Variants in PRSS38 observed in about 807,000 individuals in gnomAD.
The protein encoded by PRSS38 is serine protease 38.
PRSS38 carries 22 observed loss-of-function variants against 26.8 expected under a neutral mutation model. The ratio of observed to expected loss-of-function variants is 0.82; its 90% CI spans 0.59 to 1.17. The LOEUF (loss-of-function observed/expected upper bound fraction) is 1.17. Among genes scored for constraint, PRSS38 ranks in the 50% most tolerant of loss-of-function variants. The probability of loss-of-function intolerance (pLI) is 0.00; values close to 1 mark genes in which losing one functional copy is unlikely to be tolerated. For synonymous variants in PRSS38, 175 were observed against 172.1 expected (o/e 1.02, Z -0.13); for missense variants, 427 against 422.7 (o/e 1.01, Z -0.09).
chr1:227,817,305 C>T (rs267598398), exon 3 of PRSS38: 1 of 1,614,176 alleles, frequency 6.2e-7, no homozygotes, highest in Non-Finnish European at 8.5e-7. Context: ...ACAGGGTGAT[C>T]CTGCACCCCA....
chr1:227,836,195 C>A (rs910535393), intron 3 of PRSS38, among the ~76,000 whole-genome samples: 2 of 152,002 alleles, frequency 1.3e-5, no homozygotes, highest in Non-Finnish European at 2.9e-5. Flanking sequence ...ACCTCCTAGG[C>A]TCCAGCGATC....
rs1322562554 is a variant in PRSS38 at position 227,816,464 on chromosome 1, C to G, written c.311+212C>G. On this transcript the variant is annotated intron_variant, in intron 2 of 4. Transcript: ENST00000366757. This position sits in a 1 kb window ranked among gnomAD's most constrained non-coding sequence, Gnocchi z 5.1. ...TCTTGAGGCTGGTCCCCCAAGTGCACAGCCAGGTCCTCAAGAGTGATGCTG... is the reference window on the plus strand; with the variant it reads ...TCTTGAGGCTGGTCCCCCAAGTGCAGAGCCAGGTCCTCAAGAGTGATGCTG... Among the ~76,000 whole-genome samples, 1 of 151,994 alleles carries G rather than the reference C, an allele frequency of 6.6e-6. No homozygotes were observed. The highest frequency in any genetic ancestry group is 1.5e-5 in the Non-Finnish European group (1 of 67,980).
chr1:227,825,511 G>A (rs1317958961), intron 3 of PRSS38, among the ~76,000 whole-genome samples: 1 of 152,026 alleles, frequency 6.6e-6, no homozygotes, highest in Non-Finnish European at 1.5e-5. Context: ...TAAAGTTGTG[G>A]GTTTTACATT....
intron 3 of PRSS38, among the ~76,000 whole-genome samples, chr1:227,837,577 G>C (rs1447558173): frequency 6.6e-6 from 1 of 152,186 alleles, no homozygotes; most frequent in Non-Finnish European, 1.5e-5. Flanking sequence ...AAGTCTTTTG[G>C]GGAATATAGG....
chr1:227,817,830 T>C (rs1572079536), intron 3 of PRSS38, among the ~76,000 whole-genome samples: 1 of 152,246 alleles, frequency 6.6e-6, no homozygotes, highest in South Asian at 2.1e-4. Flanking sequence ...GAAAGGCCTG[T>C]GCATTCTTTC....
At position 227,817,448 on chromosome 1, in the gene PRSS38, G is replaced by A. The variant is rs1429800874; in HGVS notation, c.551G>A (p.Trp184Ter). 6.2e-7 allele frequency: 1 copy of A among 1,614,050 alleles called. No homozygotes were observed. The highest frequency in any genetic ancestry group is 8.5e-7 in the Non-Finnish European group (1 of 1,180,058). ...GTGAACCTTACCAGTGCCAATTGCT[G>A]GGCTACGGGATGGGGACTAGTCTCA... The change falls in exon 3 of 5, where the codon TGG becomes TAG. Residue 184 changes from tryptophan (W) to a stop codon, truncating the protein, a stop_gained. Coordinates refer to ENST00000366757, the Ensembl canonical transcript of PRSS38. LOFTEE classifies it high-confidence loss of function.
chr1:227,845,427 A>C lies in PRSS38; in HGVS notation c.584-43A>C, dbSNP rs76957354. The C allele has an allele frequency of 9.8e-3, 15,037 of 1,533,312 alleles. 517 individuals carry two copies. The highest frequency in any genetic ancestry group is 0.075 in the African/African-American group (5,522 of 73,556). The allele number at this position is 1,533,312 out of a possible 1,614,324, so 95.0% of individuals were successfully genotyped here. ...TGGGGCAGGGATCCCCCCACCCCAC[A>C]CGAAGCAGGTGCTGCCCCCTCACGG... On this transcript the variant is annotated intron_variant, in intron 3 of 4. Transcript: ENST00000366757.
chr1:227,836,092 T>A (rs1034011234), intron 3 of PRSS38, among the ~76,000 whole-genome samples: 1 of 145,970 alleles, frequency 6.9e-6, no homozygotes, highest in African/African-American at 2.5e-5. Flanking sequence ...ATTTTGTTTG[T>A]TTGTTTTTTA....
intron 3 of PRSS38, among the ~76,000 whole-genome samples, chr1:227,840,595 C>G (rs1665323369): frequency 6.6e-6 from 1 of 152,178 alleles, no homozygotes; most frequent in South Asian, 2.1e-4. Flanking sequence ...GAGAGTGGAG[C>G]AGTGGCTGCA....
At chr1:227,842,522 G>C (rs900200058) in intron 3 of PRSS38, among the ~76,000 whole-genome samples, 2 of 151,866 alleles carry the variant, frequency 1.3e-5, no homozygotes. Flanking sequence ...TGACAATAAC[G>C]TATCTGCTTT....
chr1:227,844,545 G>T (rs995943006), intron 3 of PRSS38, among the ~76,000 whole-genome samples: 3 of 142,700 alleles, frequency 2.1e-5, no homozygotes, highest in Non-Finnish European at 3.0e-5. Flanking sequence ...CCTACATGTG[G>T]TGGGGCTCCT....
At chr1:227,845,319 G>A (rs1381098683) in intron 3 of PRSS38, 151 bp from the exon 4 acceptor site, 2 of 606,806 alleles carry the variant, frequency 3.3e-6, no homozygotes, top group East Asian at 2.8e-5. Flanking sequence ...ATGTGTGGTG[G>A]GACTCATCCC....
rs145705378 is a variant in PRSS38, at chr1:227,816,244, C to G, written c.303C>G (p.Cys101Trp). 6.2e-7 allele frequency: 1 copy of G among 1,610,724 alleles called. No individual in the cohort carries two copies. Residue 101 changes from cysteine (C) to tryptophan (W), a missense_variant, in exon 2 of 5, where the codon TGC (cysteine) becomes TGG (tryptophan). By Grantham distance (215) the Cys-to-Trp change is radical. Transcript: ENST00000366757. This position sits in a 1 kb window ranked among gnomAD's most constrained non-coding sequence, Gnocchi z 5.1. ...ACTGGGTGCTGTCAGCTGCGCACTG[C>G]TTTCACAGGTAAGCGGGCGCCGGCC...
intron 3 of PRSS38, among the ~76,000 whole-genome samples, chr1:227,844,000 A>T (rs981544494): frequency 9.9e-5 from 15 of 152,214 alleles, no homozygotes; most frequent in African/African-American, 3.1e-4. Flanking sequence ...AACAACAGTA[A>T]CAACAACAAC....
chr1:227,816,746 G>C lies in PRSS38; in HGVS notation c.312-463G>C, dbSNP rs1211701150. 6.6e-6 allele frequency among the ~76,000 whole-genome samples: 1 copy of C among 151,986 alleles called. No individual in the cohort carries two copies. Among genetic ancestry groups the C allele is most frequent in the Non-Finnish European group, 1.5e-5 (1 of 68,012 alleles). On this transcript the variant is annotated intron_variant, in intron 2 of 4. Transcript: ENST00000366757. This position sits in a 1 kb window ranked among gnomAD's most constrained non-coding sequence, Gnocchi z 5.1. Reference sequence around the variant, plus strand: ...GGCTGGTCCTCAAGTGCACAGCCAGGTCCCACAAAAGTGAGGCTGCTCCTC... The same window carrying C: ...GGCTGGTCCTCAAGTGCACAGCCAGCTCCCACAAAAGTGAGGCTGCTCCTC...
At chr1:227,835,613 A>G (rs1394123811) in intron 3 of PRSS38, among the ~76,000 whole-genome samples, 1 of 152,230 alleles carries the variant, frequency 6.6e-6, no homozygotes, top group East Asian at 1.9e-4. Context: ...GCATAAACAT[A>G]GGATGGAAAA....
chr1:227,831,909 C>A (rs532717219), intron 3 of PRSS38, among the ~76,000 whole-genome samples: 2 of 152,280 alleles, frequency 1.3e-5, no homozygotes, highest in South Asian at 4.1e-4. Flanking sequence ...GTACTAAAAT[C>A]TCTATGACTG....
At chr1:227,817,786 A>G (rs778386764) in intron 3 of PRSS38, among the ~76,000 whole-genome samples, 2 of 152,236 alleles carry the variant, frequency 1.3e-5, no homozygotes, top group Non-Finnish European at 2.9e-5. Flanking sequence ...CTTTTAGCTT[A>G]TCTAAAAACC....
chr1:227,826,870 T>C (rs1436085718), intron 3 of PRSS38, among the ~76,000 whole-genome samples: 1 of 152,134 alleles, frequency 6.6e-6, no homozygotes, highest in East Asian at 1.9e-4. Context: ...ACACCTAGTT[T>C]AGAGTTTTTA....
Sources: allele counts gnomAD v4.1 joint callset (sites outside exome capture counted in the v4.1 genomes callset), GRCh38; gene constraint gnomAD v4.1.1; non-coding constraint Gnocchi (gnomAD v3.1); transcripts MANE v1.5; gene names NCBI Gene and HGNC (gene_info 2026-07-23, HGNC 2026-07-21).